FXN: variants seen among roughly 807,000 people sequenced by gnomAD.
FXN encodes the protein frataxin.
In FXN, 14 loss-of-function variants were observed where a neutral mutation model predicts 22.4. The observed-to-expected ratio is 0.62, with a 90% CI of 0.41 to 0.98. The LOEUF is 0.98. FXN is among the 50% of genes least tolerant of loss of function. The pLI is 0.00. For missense variants in FXN, 267 were observed against 268.4 expected (o/e 0.99, Z 0.04); for synonymous variants, 120 against 114.1 (o/e 1.05, Z -0.33).
chr9:69,037,544 T>C (rs1831586686), intron 1 of FXN, among the ~76,000 whole-genome samples: 1 of 152,224 alleles, frequency 6.6e-6, no homozygotes, highest in Non-Finnish European at 1.5e-5. Context: ...AGTGTGGCCA[T>C]GATGGTCCTT....
At chr9:69,036,085 G>A (rs1203508269) in intron 1 of FXN, 138 bp downstream of exon 1, 17 of 724,538 alleles carry the variant, frequency 2.3e-5, no homozygotes, top group South Asian at 1.3e-4. Flanking sequence ...CCTTCTCAGG[G>A]CGGCCCGGCG....
rs145262497 is a variant in FXN at position 69,053,132 on chromosome 9, C to T, written c.264-8C>T. 5 of 1,613,426 alleles carry T rather than the reference C, an allele frequency of 3.1e-6. No individual in the cohort carries two copies. The East Asian group carries it at 1.1e-4, about 36-fold the overall frequency. On this transcript the variant is annotated splice_region_variant and splice_polypyrimidine_tract_variant and intron_variant, in intron 2 of 4. Transcript: ENST00000484259. Reference sequence around the variant, plus strand: ...AATCATGTTTTGGGTTTTGTGCTTCCTCTGCAGCTCTCTAGATGAGACCAC... The same window carrying T: ...AATCATGTTTTGGGTTTTGTGCTTCTTCTGCAGCTCTCTAGATGAGACCAC...
In FXN at chr9:69,052,617, A is replaced by T. The variant is rs1476546395; in HGVS notation, c.264-523A>T. 2.2e-5 allele frequency among the ~76,000 whole-genome samples: 3 copies of T among 137,374 alleles called. No homozygotes were observed. The East Asian group carries it at 6.3e-4, about 29-fold the overall frequency. The allele number at this position is 137,374 out of a possible 152,430, so 90.1% of individuals were successfully genotyped here. On this transcript the variant is annotated intron_variant, in intron 2 of 4. Transcript: ENST00000484259. The stretch of plus-strand genomic sequence containing the variant: ...GAGTGCAGTGGCGCAATCTCGGCTC[A>T]CTGCAAGCTCCGCCTCCCAGGTTCA...
intron 1 of FXN, 35 bp from the exon 2 acceptor site, chr9:69,046,350 A>C: frequency 6.6e-7 from 1 of 1,510,350 alleles, no homozygotes; most frequent in Non-Finnish European, 9.2e-7. Flanking sequence ...AATTCACTGA[A>C]AAATAGTAAC....
At chr9:69,053,937 G>T (rs1831908111) in intron 3 of FXN, among the ~76,000 whole-genome samples, 1 of 152,196 alleles carries the variant, frequency 6.6e-6, no homozygotes, top group Non-Finnish European at 1.5e-5. Context: ...TTGGTCTGGG[G>T]TGTGGCATGA....
chr9:69,044,268 A>G (rs1403167342), intron 1 of FXN, among the ~76,000 whole-genome samples: 2 of 152,176 alleles, frequency 1.3e-5, no homozygotes, highest in African/African-American at 2.4e-5. Flanking sequence ...GACTGAGTCC[A>G]TTTACATAAA....
intron 1 of FXN, 121 bp downstream of exon 1, chr9:69,036,068 C>T: frequency 1.1e-6 from 1 of 880,064 alleles, no homozygotes; most frequent in Non-Finnish European, 1.5e-6. Flanking sequence ...GACTAGCTCA[C>T]CCCGCTCCTT....
chr9:69,053,435 C>T (rs887378568), intron 3 of FXN, among the ~76,000 whole-genome samples, 175 bp downstream of exon 3: 6 of 151,830 alleles, frequency 4.0e-5, no homozygotes, highest in African/African-American at 9.7e-5. Flanking sequence ...CACGCCACTG[C>T]ACTCCAGCCT....
chr9:69,040,672 A>G (rs11144892), intron 1 of FXN, among the ~76,000 whole-genome samples: 20,043 of 151,316 alleles, frequency 0.13, 1,720 homozygotes, highest in Middle Eastern at 0.21. Context: ...CATCTCAAAG[A>G]AAAAAATAAA....
chr9:69,048,110 C>T (rs1463208655), intron 2 of FXN, among the ~76,000 whole-genome samples: 1 of 152,194 alleles, frequency 6.6e-6, no homozygotes, highest in East Asian at 1.9e-4. Context: ...GAACCACATC[C>T]AAATTTCCTC....
At chr9:69,036,659 C>T (rs1831556383) in intron 1 of FXN, among the ~76,000 whole-genome samples, 1 of 152,202 alleles carries the variant, frequency 6.6e-6, no homozygotes, top group African/African-American at 2.4e-5. Context: ...GCCCATTTTG[C>T]GGACCTGGTG....
At position 69,074,296 on chromosome 9, in the gene FXN, A is replaced by T; in HGVS notation, c.*1534A>T. 1.0e-6 allele frequency: 1 copy of T among 985,320 alleles called. No individual in the cohort carries two copies. The highest frequency in any genetic ancestry group is 1.2e-6 in the Non-Finnish European group (1 of 829,822). 61.0% of individuals were successfully genotyped at this position (985,320 alleles called of 1,614,324 possible). On this transcript the variant is annotated 3_prime_UTR_variant, in exon 5 of 5. Coordinates refer to ENST00000484259, the MANE Select transcript of FXN (RefSeq NM_000144.5). ...TTTAATTTTTACTGACCTGCACTTT[A>T]TACAAAGCAACAAGCCTCCAGGACA...
rs765326819 is a variant in FXN at position 69,071,174 on chromosome 9, C to T, written c.483-1438C>T. 3 of 518,950 alleles carry T rather than the reference C, an allele frequency of 5.8e-6. No homozygotes were observed. The Admixed American group carries it at 5.8e-5, about 10-fold the overall frequency. 32.1% of individuals were successfully genotyped at this position (518,950 alleles called of 1,614,324 possible). A position where few individuals can be genotyped will look rare whatever the true frequency, so the allele number is the denominator to read the frequency against. ...GGTTACTCAGGCTCTGCCTGGCAAC[C>T]CGATAGCAGTATCAGAGTATAGGGC... is the stretch of plus-strand genomic sequence containing the variant. On this transcript the variant is annotated intron_variant, in intron 4 of 4. Coordinates refer to ENST00000484259, the MANE Select transcript of FXN (RefSeq NM_000144.5).
At position 69,074,361 on chromosome 9, in the gene FXN, TCTTA is replaced by T; in HGVS notation, c.*1604_*1607del. The T allele has an allele frequency of 1.0e-6, 1 of 985,278 alleles. No individual in the cohort carries two copies. The highest frequency in any genetic ancestry group is 4.7e-5 in the South Asian group (1 of 21,284). 61.0% of individuals were successfully genotyped at this position (985,278 alleles called of 1,614,324 possible). ...AAGTTATGCTCATGTTATATTATTT[TCTTA>T]CTTAAAGAAGGATTTATTAGTGGCT... On this transcript the variant is annotated 3_prime_UTR_variant, in exon 5 of 5. Coordinates refer to ENST00000484259, the MANE Select transcript of FXN (RefSeq NM_000144.5).
At chr9:69,052,288 G>C (rs1831867310) in intron 2 of FXN, among the ~76,000 whole-genome samples, 1 of 151,946 alleles carries the variant, frequency 6.6e-6, no homozygotes, top group Admixed American at 6.6e-5. Context: ...CAAGTAGCTG[G>C]GAACTACAGG....
Position 69,078,516 on chromosome 9 carries a change from G to C in FXN, c.*5754G>C. On this transcript the variant is annotated 3_prime_UTR_variant, in exon 5 of 5. Coordinates refer to ENST00000484259, the MANE Select transcript of FXN (RefSeq NM_000144.5). Reference sequence around the variant, plus strand: ...CTTTCAGAAAGGCAATCTCTTGTCTGTAAAACCTAAGCAGGACCAAGGCCA... The same window carrying C: ...CTTTCAGAAAGGCAATCTCTTGTCTCTAAAACCTAAGCAGGACCAAGGCCA... 2 of 982,182 alleles carry C rather than the reference G, an allele frequency of 2.0e-6. No homozygotes were observed. The highest frequency in any genetic ancestry group is 9.5e-5 in the South Asian group (2 of 21,086). The allele number at this position is 982,182 out of a possible 1,614,324, so 60.8% of individuals were successfully genotyped here.
At chr9:69,039,830 A>C (rs555449320) in intron 1 of FXN, among the ~76,000 whole-genome samples, 1 of 152,236 alleles carries the variant, frequency 6.6e-6, no homozygotes, top group Admixed American at 6.5e-5. Flanking sequence ...TTTTCTTCTT[A>C]CTGCTCTGGA....
At chr9:69,043,439 A>AGG (rs1831692626) in intron 1 of FXN, 1 of 152,274 alleles carries the variant, frequency 6.6e-6, no homozygotes, top group Non-Finnish European at 1.5e-5. Flanking sequence ...TGTTTGAGAC[A>AGG]GGGTCTCCCT....
At chr9:69,070,818 TTTTA>T in intron 4 of FXN, among the ~76,000 whole-genome samples, 2 of 151,740 alleles carry the variant, frequency 1.3e-5, no homozygotes. Flanking sequence ...TTTTTCTTAA[TTTTA>T]TTTATTTTTA....
Sources: allele counts gnomAD v4.1 joint callset (sites outside exome capture counted in the v4.1 genomes callset), GRCh38; gene constraint gnomAD v4.1.1; transcripts MANE v1.5; gene names NCBI Gene and HGNC (gene_info 2026-07-23, HGNC 2026-07-21).